Variants in GIMAP4 observed in about 807,000 individuals in gnomAD.
GIMAP4 encodes the protein GTPase, IMAP family member 4.
In GIMAP4, 12 loss-of-function variants were observed where a neutral mutation model predicts 10.8. The ratio of observed to expected loss-of-function variants is 1.11; its 90% CI spans 0.71 to 1.81. The LOEUF is 1.81. Among genes scored for constraint, GIMAP4 ranks in the 40% most tolerant of loss-of-function variants. The probability of loss-of-function intolerance (pLI) is 0.00; values close to 1 mark genes in which losing one functional copy is unlikely to be tolerated. For missense variants in GIMAP4, 412 were observed against 404.6 expected (o/e 1.02, Z -0.16); for synonymous variants, 149 against 147.2 (o/e 1.01, Z -0.09).
intron 2 of GIMAP4, 140 bp downstream of exon 2, chr7:150,570,099 A>G: frequency 1.5e-6 from 1 of 652,184 alleles, no homozygotes. Context: ...AATATTTCCA[A>G]CCTCTTTTCT....
rs779532589 is a variant in GIMAP4, at chr7:150,572,921, C to G, written c.851C>G (p.Ala284Gly). Residue 284 changes from alanine to glycine, a missense_variant, in exon 3 of 3, where the codon GCA becomes GGA. Transcript: ENST00000255945. Reference protein sequence around the residue: ...KRKKQMEKKLAEQEAHYAVRQ... With the variant: ...KRKKQMEKKLGEQEAHYAVRQ... ...AAGAAGCAAATGGAGAAGAAACTAG[C>G]AGAACAGGAGGCTCACTATGCTGTA... 12 of 1,614,028 alleles carry G rather than the reference C, an allele frequency of 7.4e-6. No individual in the cohort carries two copies. The highest frequency in any genetic ancestry group is 1.0e-5 in the Non-Finnish European group (12 of 1,179,938).
rs1355624726 is a variant in GIMAP4 at position 150,570,939 on chromosome 7, T to C, written c.58+980T>C. 3.3e-5 allele frequency among the ~76,000 whole-genome samples: 5 copies of C among 152,110 alleles called. No individual in the cohort carries two copies. In the East Asian group the frequency reaches 9.6e-4, roughly 29 times the overall value. On this transcript the variant is annotated intron_variant, in intron 2 of 2. Coordinates refer to ENST00000255945, the MANE Select transcript of GIMAP4 (RefSeq NM_018326.3). Reference sequence around the variant, plus strand: ...CAGATTCAACAGTTGAAGAGACAGATAGCATCTTGATGGGAGGAACTGCAA... The same window carrying C: ...CAGATTCAACAGTTGAAGAGACAGACAGCATCTTGATGGGAGGAACTGCAA...
chr7:150,572,971 G>A lies in GIMAP4; in HGVS notation c.901G>A (p.Val301Met). 1 of 1,613,682 alleles carries A rather than the reference G, an allele frequency of 6.2e-7. No individual in the cohort carries two copies. Among genetic ancestry groups the A allele is most frequent in the South Asian group, 1.1e-5 (1 of 91,076 alleles). The change falls in exon 3 of 3, where the codon GTG (valine) becomes ATG (methionine). Residue 301 changes from valine to methionine, a missense_variant. Val to Met is a conservative substitution (Grantham distance 21). Coordinates refer to ENST00000255945, the MANE Select transcript of GIMAP4 (RefSeq NM_018326.3). ...AAGGCAGCAAAGGGCAAGAACGGAA[G>A]TGGAGAGTAAGGATGGGATACTTGA... Reference protein sequence around the residue: ...AVRQQRARTEVESKDGILELI... With the variant: ...AVRQQRARTEMESKDGILELI...
In GIMAP4 at chr7:150,569,801, A is replaced by C. The variant is rs575055256; in HGVS notation, c.-14-87A>C. 204 of 706,342 alleles carry C rather than the reference A, an allele frequency of 2.9e-4. No individual in the cohort carries two copies. In the East Asian group the frequency reaches 5.0e-3, roughly 17 times the overall value. 43.8% of individuals were successfully genotyped at this position (706,342 alleles called of 1,614,324 possible). ...TCAATGTAGCAAGCTCATGGCAAAA[A>C]GAAAGTTGTTGTTGACTACAGGCAG... On this transcript the variant is annotated intron_variant, in intron 1 of 2. Transcript: ENST00000255945.
intron 2 of GIMAP4, 78 bp from the exon 3 acceptor site, chr7:150,572,050 TG>T (rs1451592751): frequency 1.4e-5 from 12 of 879,082 alleles, no homozygotes; most frequent in Non-Finnish European, 1.8e-5. Context: ...AGGAGGGCAC[TG>T]GGGGTGAGGA....
chr7:150,573,137 G>A lies in GIMAP4; in HGVS notation c.*77G>A, dbSNP rs1795758437. The stretch of plus-strand genomic sequence containing the variant: ...CCATACTTACTTATTTAGCATAGTC[G>A]AGTGCTCTAGTTTCTGTCTCTCAGG... On this transcript the variant is annotated 3_prime_UTR_variant, in exon 3 of 3. Coordinates refer to ENST00000255945, the MANE Select transcript of GIMAP4 (RefSeq NM_018326.3). 2.2e-6 allele frequency: 2 copies of A among 899,380 alleles called. No individual in the cohort carries two copies. The highest frequency in any genetic ancestry group is 1.7e-5 in the African/African-American group (1 of 59,726). The allele number at this position is 899,380 out of a possible 1,614,324, so 55.7% of individuals were successfully genotyped here. A position where few individuals can be genotyped will look rare whatever the true frequency, so the allele number is the denominator to read the frequency against.
chr7:150,569,739 G>C (rs1585156336), intron 1 of GIMAP4, 149 bp from the exon 2 acceptor site: 1 of 586,152 alleles, frequency 1.7e-6, no homozygotes, highest in Non-Finnish European at 3.1e-6. Context: ...TGAAAATGGA[G>C]GGTTGAGGAG....
chr7:150,572,145 G>T lies in GIMAP4; in HGVS notation c.75G>T (p.Glu25Asp). Residue 25 changes from glutamate to aspartate, a missense_variant, in exon 3 of 3, where the codon GAG (glutamate) becomes GAT (aspartate). Glu to Asp is a conservative substitution (Grantham distance 45, BLOSUM62 2). Coordinates refer to ENST00000255945, the MANE Select transcript of GIMAP4 (RefSeq NM_018326.3). ...PGASYGPGRQ[E>D]PRNSQLRIVL... ...ATGTCCCAGGGCCTGGAAGGCAAGAGCCCAGAAATTCCCAATTGAGAATTG... is the reference window on the plus strand; with the variant it reads ...ATGTCCCAGGGCCTGGAAGGCAAGATCCCAGAAATTCCCAATTGAGAATTG... 3 of 1,611,408 alleles carry T rather than the reference G, an allele frequency of 1.9e-6. No individual in the cohort carries two copies. The highest frequency in any genetic ancestry group is 2.5e-6 in the Non-Finnish European group (3 of 1,177,786).
At position 150,572,402 on chromosome 7, in the gene GIMAP4, C is replaced by G. The variant is rs1348631024; in HGVS notation, c.332C>G (p.Ser111Cys). The G allele has an allele frequency of 1.2e-6, 2 of 1,613,984 alleles. No individual in the cohort carries two copies. The highest frequency in any genetic ancestry group is 2.7e-5 in the African/African-American group (2 of 74,902). ...ATTATTCGCTGCATTCTTCTGACCT[C>G]CCCAGGGCCTCATGCTCTGCTTCTG... Reference protein sequence around the residue: ...KEIIRCILLTSPGPHALLLVV... With the variant: ...KEIIRCILLTCPGPHALLLVV... Residue 111 changes from serine to cysteine, a missense_variant, in exon 3 of 3, where the codon TCC becomes TGC. Coordinates refer to ENST00000255945, the MANE Select transcript of GIMAP4 (RefSeq NM_018326.3).
Position 150,569,934 on chromosome 7 carries a change from C to T in GIMAP4, c.33C>T (p.Asn11=), listed in dbSNP as rs756417928. 2 of 1,604,548 alleles carry T rather than the reference C, an allele frequency of 1.2e-6. No individual in the cohort carries two copies. The highest frequency in any genetic ancestry group is 1.7e-4 in the Middle Eastern group (1 of 6,040). MAAQYGSMSF[N]PSTPGASYGP... The stretch of plus-strand genomic sequence containing the variant: ...CCCAATACGGCAGTATGAGCTTCAA[C>T]CCCAGCACACCAGGGGCCAGTTATG... Residue 11 remains asparagine (N), a synonymous_variant, in exon 2 of 3, where the codon AAC becomes AAT. Transcript: ENST00000255945.
rs2116720774 is a variant in GIMAP4, at chr7:150,572,583, T to A, written c.513T>A (p.Ala171=). The change falls in exon 3 of 3, where the codon GCT becomes GCA. Residue 171 remains alanine (A), a synonymous_variant. Transcript: ENST00000255945. Reference sequence around the variant, plus strand: ...ATTTGCATGACTACTTAAGGGAAGCTCCAGAAGACATTCAAGACTTGATGG... The same window carrying A: ...ATTTGCATGACTACTTAAGGGAAGCACCAGAAGACATTCAAGACTTGATGG... ...DTNLHDYLRE[A]PEDIQDLMDI... The A allele has an allele frequency of 1.2e-6, 2 of 1,614,072 alleles. No homozygotes were observed. The highest frequency in any genetic ancestry group is 2.2e-5 in the South Asian group (2 of 91,076).
chr7:150,567,796 C>T (rs958548072), intron 1 of GIMAP4, among the ~76,000 whole-genome samples: 1 of 152,142 alleles, frequency 6.6e-6, no homozygotes, highest in Admixed American at 6.5e-5. Flanking sequence ...GTGTAAGGGG[C>T]ACAGCTCCAT....
chr7:150,573,074 C>A lies in GIMAP4; in HGVS notation c.*14C>A, dbSNP rs775526521. ...GCGGAAGATTAAACTTAATGAAAAT[C>A]TGTTTGTATTTTCTGCATATTCTCT... On this transcript the variant is annotated 3_prime_UTR_variant, in exon 3 of 3. Transcript: ENST00000255945. 6 of 1,529,216 alleles carry A rather than the reference C, an allele frequency of 3.9e-6. No homozygotes were observed. The highest frequency in any genetic ancestry group is 3.5e-5 in the South Asian group (3 of 85,774). The allele number at this position is 1,529,216 out of a possible 1,614,324, so 94.7% of individuals were successfully genotyped here.
Position 150,573,101 on chromosome 7 carries a change from G to T in GIMAP4, c.*41G>T. 7.5e-7 allele frequency: 1 copy of T among 1,328,440 alleles called. No individual in the cohort carries two copies. Among genetic ancestry groups the T allele is most frequent in the Non-Finnish European group, 1.1e-6 (1 of 941,746 alleles). The allele number at this position is 1,328,440 out of a possible 1,614,324, so 82.3% of individuals were successfully genotyped here. On this transcript the variant is annotated 3_prime_UTR_variant, in exon 3 of 3. Coordinates refer to ENST00000255945, the MANE Select transcript of GIMAP4 (RefSeq NM_018326.3). The stretch of plus-strand genomic sequence containing the variant: ...GTTTGTATTTTCTGCATATTCTCTG[G>T]CAACCTTGCCCCATACTTACTTATT...
chr7:150,570,037 A>ATGG, intron 2 of GIMAP4, 78 bp downstream of exon 2: 1 of 426,704 alleles, frequency 2.3e-6, no homozygotes. Context: ...GGGGGGGAAT[A>ATGG]GGGGTGGGGT....
intron 1 of GIMAP4, 65 bp from the exon 2 acceptor site, chr7:150,569,823 G>T (rs995208104): frequency 1.3e-6 from 1 of 775,814 alleles, no homozygotes. Context: ...TTGACTACAG[G>T]CAGTCAGGGA....
rs909825003 is a variant in GIMAP4, at chr7:150,572,704, G to C, written c.634G>C (p.Val212Leu). Reference protein sequence around the residue: ...RAQLLGLIQRVVRENKEGCYT... With the variant: ...RAQLLGLIQRLVRENKEGCYT... ...ACAGTTGCTGGGCCTGATCCAGCGC[G>C]TGGTGAGGGAGAACAAGGAAGGCTG... is the stretch of plus-strand genomic sequence containing the variant. Residue 212 changes from valine (V) to leucine (L), a missense_variant, in exon 3 of 3, where the codon GTG (valine) becomes CTG (leucine). Physicochemically the swap from Val to Leu is conservative, Grantham distance 32. Transcript: ENST00000255945. 2.5e-6 allele frequency: 4 copies of C among 1,614,056 alleles called. No homozygotes were observed. The African/African-American group carries it at 4.0e-5, about 16-fold the overall frequency.
At chr7:150,568,295 CTT>C (rs1157065141) in intron 1 of GIMAP4, among the ~76,000 whole-genome samples, 1 of 152,162 alleles carries the variant, frequency 6.6e-6, no homozygotes, top group Admixed American at 6.5e-5. Context: ...CATGATTTCT[CTT>C]GTTTACAAGA....
At chr7:150,568,920 C>T (rs73163503) in intron 1 of GIMAP4, among the ~76,000 whole-genome samples, 20,336 of 152,078 alleles carry the variant, frequency 0.13, 1,500 homozygotes, top group East Asian at 0.2. Flanking sequence ...CCGAGGCCTG[C>T]GGGTTGAGCA....
Sources: allele counts gnomAD v4.1 joint callset (sites outside exome capture counted in the v4.1 genomes callset), GRCh38; gene constraint gnomAD v4.1.1; transcripts MANE v1.5; gene names NCBI Gene and HGNC (gene_info 2026-07-23, HGNC 2026-07-21).